AGBL4: variants seen among roughly 807,000 people sequenced by gnomAD.
AGBL4 encodes cytosolic carboxypeptidase 6.
In AGBL4, 58 loss-of-function variants were observed where a neutral mutation model predicts 66.4. That is an observed-to-expected ratio of 0.87 (90% CI 0.71 to 1.09). The LOEUF (loss-of-function observed/expected upper bound fraction) is 1.09, where lower values mean the gene tolerates loss of function less well. Among genes scored for constraint, AGBL4 ranks in the 50% least tolerant of loss-of-function variants. AGBL4 has a pLI of 0.00. For synonymous variants in AGBL4, 234 were observed against 222.9 expected (o/e 1.05, Z -0.44); for missense variants, 579 against 631.0 (o/e 0.92, Z 0.88).
At chr1:49,604,452 C>T (rs2124187864) in intron 3 of AGBL4, among the ~76,000 whole-genome samples, 1 of 152,160 alleles carries the variant, frequency 6.6e-6, no homozygotes, top group East Asian at 1.9e-4. Context: ...GTTTGAGTTC[C>T]TCATAGATAC....
intron 5 of AGBL4, among the ~76,000 whole-genome samples, chr1:48,931,063 T>G (rs767563189): frequency 6.6e-6 from 1 of 152,208 alleles, no homozygotes; most frequent in Non-Finnish European, 1.5e-5. Flanking sequence ...ATAACAAAAT[T>G]GAGCCCCAAA....
chr1:49,394,543 A>G (rs556425451), intron 3 of AGBL4, among the ~76,000 whole-genome samples: 2 of 152,272 alleles, frequency 1.3e-5, no homozygotes, highest in Admixed American at 1.3e-4. Context: ...TGAATGGTTA[A>G]TATTTTAAAA....
chr1:49,283,739 C>A (rs986476813), intron 3 of AGBL4, among the ~76,000 whole-genome samples: 47 of 148,000 alleles, frequency 3.2e-4, no homozygotes, highest in Non-Finnish European at 3.7e-4. Flanking sequence ...CCTCAGGAGC[C>A]GATGCGATCA....
chr1:48,951,798 C>T (rs1180259294), intron 5 of AGBL4, among the ~76,000 whole-genome samples: 2 of 152,180 alleles, frequency 1.3e-5, no homozygotes, highest in African/African-American at 2.4e-5. Context: ...AACATTACCT[C>T]AACTGTGATT....
intron 3 of AGBL4, among the ~76,000 whole-genome samples, chr1:49,307,211 T>C (rs1356066009): frequency 6.6e-6 from 1 of 152,172 alleles, no homozygotes; most frequent in Non-Finnish European, 1.5e-5. Flanking sequence ...AAGGCTCACA[T>C]AGAAACCACT....
intron 1 of AGBL4, among the ~76,000 whole-genome samples, chr1:49,885,449 T>C (rs896551112): frequency 4.6e-5 from 7 of 151,936 alleles, no homozygotes; most frequent in Non-Finnish European, 7.4e-5. Context: ...TTACTTCTCA[T>C]TGAAAATCTA....
intron 2 of AGBL4, among the ~76,000 whole-genome samples, chr1:49,706,740 C>G (rs367822249): frequency 1.3e-5 from 2 of 152,046 alleles, no homozygotes; most frequent in Admixed American, 6.6e-5. Flanking sequence ...GATGCTGGTA[C>G]GTTGTCTCTT....
At chr1:48,572,859 CA>C (rs1644589644) in intron 11 of AGBL4, among the ~76,000 whole-genome samples, 3 of 152,186 alleles carry the variant, frequency 2.0e-5, no homozygotes, top group Non-Finnish European at 2.9e-5. Context: ...CAACCTCAGG[CA>C]ACTGCAACAA....
At chr1:48,855,785 T>A (rs956279836) in intron 6 of AGBL4, among the ~76,000 whole-genome samples, 1 of 151,940 alleles carries the variant, frequency 6.6e-6, no homozygotes, top group Admixed American at 6.6e-5. Flanking sequence ...CAGATAAAAA[T>A]TGGAACATAC....
intron 6 of AGBL4, among the ~76,000 whole-genome samples, chr1:48,749,645 G>C (rs1430303717): frequency 1.3e-5 from 2 of 152,112 alleles, no homozygotes; most frequent in Non-Finnish European, 2.9e-5. Context: ...ACATTCCTAG[G>C]GGGTCTGTGA....
intron 8 of AGBL4, among the ~76,000 whole-genome samples, chr1:48,642,768 C>T (rs1557848388): frequency 6.6e-6 from 1 of 152,106 alleles, no homozygotes; most frequent in Non-Finnish European, 1.5e-5. Context: ...AGGAATTCAC[C>T]ATTTCCGTTT....
intron 2 of AGBL4, among the ~76,000 whole-genome samples, chr1:49,812,836 G>A (rs1174074093): frequency 1.3e-5 from 2 of 152,082 alleles, no homozygotes; most frequent in African/African-American, 4.8e-5. Flanking sequence ...ATGGGAAAGA[G>A]AATCTAAGAG....
At chr1:49,259,069 G>A (rs948878105) in intron 3 of AGBL4, among the ~76,000 whole-genome samples, 2 of 152,030 alleles carry the variant, frequency 1.3e-5, no homozygotes, top group Non-Finnish European at 2.9e-5. Context: ...ATCCATAAGT[G>A]AAGGAGAAAT....
At chr1:49,788,499 T>C (rs1055806669) in intron 2 of AGBL4, among the ~76,000 whole-genome samples, 1 of 151,002 alleles carries the variant, frequency 6.6e-6, no homozygotes, top group Non-Finnish European at 1.5e-5. Flanking sequence ...GAGCATATTA[T>C]AAATATCTTC....
chr1:49,235,686 G>GA (rs1291180269), intron 4 of AGBL4, among the ~76,000 whole-genome samples: 2 of 152,284 alleles, frequency 1.3e-5, no homozygotes, highest in East Asian at 3.9e-4. Context: ...AAGGGGAGCA[G>GA]AAAAAAGCAC....
chr1:49,580,083 T>A (rs552611062), intron 3 of AGBL4, among the ~76,000 whole-genome samples: 55 of 152,328 alleles, frequency 3.6e-4, no homozygotes, highest in African/African-American at 1.3e-3. Context: ...GTCTTTTTTT[T>A]AACTATGTTG....
intron 11 of AGBL4, among the ~76,000 whole-genome samples, chr1:48,561,281 CTT>C (rs781225435): frequency 2.6e-5 from 4 of 151,752 alleles, no homozygotes; most frequent in Non-Finnish European, 5.9e-5. Flanking sequence ...CTTCCCTTCT[CTT>C]CCTTCCTCTT....
chr1:48,663,830 G>GT lies in AGBL4; in HGVS notation c.635-590dup, dbSNP rs1230074752. On this transcript the variant is annotated intron_variant, in intron 6 of 13. Transcript: ENST00000371839. ...CCTTACAGGAACATGCTGTTAATGT[G>GT]TTTTTTTAATAGAGGCAGAAGTGAG... Among the ~76,000 whole-genome samples the GT allele has an allele frequency of 3.9e-5, 6 of 152,112 alleles. No individual in the cohort carries two copies. The East Asian group carries it at 9.7e-4, about 24-fold the overall frequency.
At chr1:49,084,409 G>A (rs1033753185) in intron 4 of AGBL4, among the ~76,000 whole-genome samples, 34 of 152,182 alleles carry the variant, frequency 2.2e-4, no homozygotes, top group African/African-American at 7.0e-4. Context: ...ACATGGCTGC[G>A]GAGTCCTCAT....
Sources: gnomAD v4.1 joint callset for allele counts (sites outside exome capture counted in the v4.1 genomes callset) on GRCh38, gnomAD v4.1.1 for gene constraint, MANE v1.5 for transcripts, NCBI Gene and HGNC (gene_info 2026-07-23, HGNC 2026-07-21) for gene names.